TNS1: variants seen among roughly 807,000 people sequenced by gnomAD.
TNS1 encodes the protein tensin 1, also known as tensin-1.
TNS1 carries 62 observed loss-of-function variants against 168.6 expected under a neutral mutation model. The observed-to-expected ratio is 0.37, with a 90% CI of 0.30 to 0.45. The LOEUF is 0.45. TNS1 is among the 20% of genes least tolerant of loss of function. The pLI, the probability that TNS1 is intolerant of heterozygous loss-of-function variation, is 1.00. For synonymous variants in TNS1, 934 were observed against 933.2 expected, an observed-to-expected ratio of 1.00 and a Z score of -0.02; for missense variants, 2,240 against 2,339.4, an observed-to-expected ratio of 0.96 and a Z score of 0.88.
intron 30 of TNS1, 105 bp downstream of exon 30, chr2:217,809,718 G>A: frequency 8.2e-7 from 1 of 1,215,270 alleles, no homozygotes; most frequent in Non-Finnish European, 1.2e-6. Flanking sequence ...TAGATGAGCA[G>A]TTGGGTGCAA....
intron 2 of TNS1, among the ~76,000 whole-genome samples, chr2:217,984,905 G>A (rs1326784714): frequency 2.0e-5 from 3 of 151,618 alleles, no homozygotes; most frequent in Admixed American, 6.6e-5. Context: ...ACAGGTGCTC[G>A]CCACCATACC....
chr2:217,909,643 C>A (rs1439919320), intron 4 of TNS1, among the ~76,000 whole-genome samples: 1 of 151,890 alleles, frequency 6.6e-6, no homozygotes, highest in Non-Finnish European at 1.5e-5. Context: ...GCATTTCTAC[C>A]AGGTTTCCAG....
upstream of TNS1, among the ~76,000 whole-genome samples, chr2:218,011,587 C>T (rs932290310): frequency 6.6e-6 from 1 of 152,162 alleles, no homozygotes; most frequent in Non-Finnish European, 1.5e-5. Flanking sequence ...GCCTCCCTGT[C>T]CCCTTCCTCT....
In TNS1 at chr2:217,963,304, G is replaced by A. The variant is rs1026151406; in HGVS notation, c.186+15461C>T. Reference sequence around the variant, plus strand: ...CAGGGATAATTGGCACAGGTGCTCCGGCACGGGGTCATCACCTGGAGAGAG... The same window carrying A: ...CAGGGATAATTGGCACAGGTGCTCCAGCACGGGGTCATCACCTGGAGAGAG... On this transcript the variant is annotated intron_variant, in intron 3 of 32. Transcript: ENST00000682258. 4.6e-5 allele frequency among the ~76,000 whole-genome samples: 7 copies of A among 152,184 alleles called. No individual in the cohort carries two copies. The South Asian group carries it at 1.0e-3, about 23-fold the overall frequency.
intron 31 of TNS1, 141 bp from the exon 32 acceptor site, chr2:217,808,248 T>G: frequency 1.0e-6 from 1 of 977,950 alleles, no homozygotes. Flanking sequence ...ATTCCCCCAT[T>G]CCCCAGGGAC....
chr2:217,887,560 G>A (rs927554874), intron 12 of TNS1, among the ~76,000 whole-genome samples: 8 of 152,096 alleles, frequency 5.3e-5, no homozygotes, highest in African/African-American at 9.7e-5. Context: ...AGCCCGCCTC[G>A]GCCTCCCAAA....
chr2:217,902,883 T>A (rs1575019567), intron 6 of TNS1, among the ~76,000 whole-genome samples: 2 of 152,282 alleles, frequency 1.3e-5, no homozygotes, highest in Admixed American at 1.3e-4. Context: ...TGGGGGCACG[T>A]GACCCTTGCT....
intron 3 of TNS1, among the ~76,000 whole-genome samples, chr2:217,930,508 G>A (rs890164332): frequency 6.6e-6 from 1 of 152,220 alleles, no homozygotes; most frequent in African/African-American, 2.4e-5. Context: ...ATGACCTGGA[G>A]GGCCAGGCTG....
intron 1 of TNS1, among the ~76,000 whole-genome samples, chr2:218,027,930 C>T (rs1958863550): frequency 6.6e-6 from 1 of 152,162 alleles, no homozygotes; most frequent in Admixed American, 6.5e-5. Context: ...CTCTCCAGGC[C>T]ACACTGGACC....
chr2:217,989,381 C>T (rs1359835664), intron 2 of TNS1, among the ~76,000 whole-genome samples: 1 of 152,100 alleles, frequency 6.6e-6, no homozygotes, highest in Non-Finnish European at 1.5e-5. Context: ...GTCAGTCACC[C>T]ACATGAGAAA....
chr2:217,884,360 T>C (rs150193187), intron 16 of TNS1, among the ~76,000 whole-genome samples: 5 of 152,200 alleles, frequency 3.3e-5, no homozygotes, highest in African/African-American at 1.2e-4. Flanking sequence ...TAAGGATGGA[T>C]TGGTGGATGG....
intron 18 of TNS1, among the ~76,000 whole-genome samples, chr2:217,857,015 A>G (rs376646606): frequency 6.6e-6 from 1 of 152,256 alleles, no homozygotes; most frequent in East Asian, 1.9e-4. Context: ...GCTGAGTCCA[A>G]GAAAAAAAGA....
At chr2:217,907,029 A>C (rs976389523) in intron 5 of TNS1, among the ~76,000 whole-genome samples, 181 bp downstream of exon 5, 9 of 152,030 alleles carry the variant, frequency 5.9e-5, no homozygotes, top group Non-Finnish European at 1.2e-4. Flanking sequence ...GGATGGTCAG[A>C]TGCCCTTCTC....
At chr2:217,856,340 C>T (rs1391837384) in intron 18 of TNS1, among the ~76,000 whole-genome samples, 1 of 152,160 alleles carries the variant, frequency 6.6e-6, no homozygotes, top group Non-Finnish European at 1.5e-5. Flanking sequence ...CAGGAAGACC[C>T]CGACCTCCTG....
chr2:218,015,746 G>A (rs3953456), intron 1 of TNS1, among the ~76,000 whole-genome samples: 37,363 of 151,972 alleles, frequency 0.25, 5,023 homozygotes, highest in Middle Eastern at 0.38. Context: ...ATAAACGGGG[G>A]GTGGGGGCAG....
intron 22 of TNS1, among the ~76,000 whole-genome samples, chr2:217,825,593 C>A (rs1210958896): frequency 1.3e-5 from 2 of 152,196 alleles, no homozygotes; most frequent in African/African-American, 4.8e-5. Context: ...TACAGGTACC[C>A]CTGCTAGCAA....
At chr2:217,884,965 T>C (rs1032595508) in intron 16 of TNS1, 70 bp downstream of exon 16, 5 of 1,594,304 alleles carry the variant, frequency 3.1e-6, no homozygotes, top group African/African-American at 2.7e-5. Flanking sequence ...ATACCCACCA[T>C]ATCGTCTCAA....
rs1363924336 is a variant in TNS1 at position 217,808,058 on chromosome 2, T to G, written c.5375+17A>C. On this transcript the variant is annotated intron_variant, in intron 32 of 32. Coordinates refer to ENST00000682258, the MANE Select transcript of TNS1 (RefSeq NM_001387777.1). ...CAAAGGCCAGCCTGCTGGGCAGGGG[T>G]AAGAAGTCACACTTACTTAGCAGGG... The G allele has an allele frequency of 6.2e-7, 1 of 1,612,980 alleles. No individual in the cohort carries two copies. The highest frequency in any genetic ancestry group is 8.5e-7 in the Non-Finnish European group (1 of 1,179,920).
At chr2:217,823,218 G>A (rs1047188109) in intron 22 of TNS1, among the ~76,000 whole-genome samples, 5 of 152,196 alleles carry the variant, frequency 3.3e-5, no homozygotes, top group African/African-American at 1.2e-4. Context: ...TTAGGCTGTT[G>A]GGTCAGGCTG....
Sources: allele counts gnomAD v4.1 joint callset (sites outside exome capture counted in the v4.1 genomes callset), GRCh38; gene constraint gnomAD v4.1.1; transcripts MANE v1.5; gene names NCBI Gene and HGNC (gene_info 2026-07-23, HGNC 2026-07-21).